C2CD3: variants seen among roughly 807,000 people sequenced by gnomAD.
The protein encoded by C2CD3 is C2 domain containing 3 centriole elongation regulator.
C2CD3 carries 148 observed loss-of-function variants against 234.0 expected under a neutral mutation model. That is an observed-to-expected ratio of 0.63 (90% CI 0.55 to 0.72). The LOEUF (loss-of-function observed/expected upper bound fraction) is 0.72. Among genes scored for constraint, C2CD3 ranks in the 30% least tolerant of loss-of-function variants. C2CD3 has a pLI of 0.00. For synonymous variants in C2CD3, 1,000 were observed against 1,035.4 expected (o/e 0.97, Z 0.66); for missense variants, 2,577 against 2,811.5 (o/e 0.92, Z 1.89).
chr11:74,063,790 G>C (rs1209821373), intron 24 of C2CD3, among the ~76,000 whole-genome samples: 1 of 152,110 alleles, frequency 6.6e-6, no homozygotes, highest in African/African-American at 2.4e-5. Flanking sequence ...TCAGGCAAGA[G>C]AAAGAAATAT....
intron 1 of C2CD3, among the ~76,000 whole-genome samples, chr11:74,170,094 AGCT>A (rs1182707093): frequency 6.6e-6 from 1 of 151,980 alleles, no homozygotes; most frequent in Non-Finnish European, 1.5e-5. Context: ...TGTCTCCTTG[AGCT>A]GCTAACCTGA....
chr11:74,054,113 A>G (rs997477343), intron 26 of C2CD3, among the ~76,000 whole-genome samples: 1 of 151,684 alleles, frequency 6.6e-6, no homozygotes, highest in Non-Finnish European at 1.5e-5. Context: ...TCTACTAAAA[A>G]TATAAAAAAT....
At chr11:74,139,045 T>C (rs1957961263) in intron 4 of C2CD3, 78 bp from the exon 5 acceptor site, 15 of 1,289,566 alleles carry the variant, frequency 1.2e-5, no homozygotes, top group Non-Finnish European at 1.6e-5. Context: ...AGACAGAAAG[T>C]AGACCAGTGG....
At chr11:74,069,211 GCCAAACA>G (rs1954685578) in intron 24 of C2CD3, among the ~76,000 whole-genome samples, 2 of 152,190 alleles carry the variant, frequency 1.3e-5, no homozygotes, top group Admixed American at 1.3e-4. Flanking sequence ...ATTCCTTTTA[GCCAAACA>G]GGTGGGTGAA....
chr11:74,057,950 C>T (rs1277170947), intron 24 of C2CD3, among the ~76,000 whole-genome samples: 1 of 150,846 alleles, frequency 6.6e-6, no homozygotes, highest in African/African-American at 2.5e-5. Context: ...CAGAGTGAGA[C>T]CGTGTCAATC....
At position 74,029,030 on chromosome 11, in the gene C2CD3, A is replaced by G. The variant is rs899699409; in HGVS notation, c.6810-632T>C. Among the ~76,000 whole-genome samples the G allele has an allele frequency of 7.2e-5, 11 of 152,224 alleles. No individual in the cohort carries two copies. The East Asian group carries it at 1.9e-3, about 27-fold the overall frequency. ...TGCATCAGGGGCTGTCCATGACGGG[A>G]CATGTCCTCATGTCAGGGACCAGTA... On this transcript the variant is annotated intron_variant, in intron 31 of 32. Transcript: ENST00000334126.
intron 22 of C2CD3, among the ~76,000 whole-genome samples, chr11:74,083,746 C>A (rs1281737119): frequency 6.6e-6 from 1 of 152,174 alleles, no homozygotes; most frequent in East Asian, 1.9e-4. Context: ...CAATGAGATA[C>A]CATCTCACAC....
chr11:74,040,581 C>G (rs1952988041), intron 29 of C2CD3, among the ~76,000 whole-genome samples: 1 of 151,618 alleles, frequency 6.6e-6, no homozygotes, highest in Non-Finnish European at 1.5e-5. Flanking sequence ...ATAGTGAAAC[C>G]CTGTCTCTAC....
At chr11:74,077,238 T>C (rs1488890207) in intron 23 of C2CD3, among the ~76,000 whole-genome samples, 5 of 152,078 alleles carry the variant, frequency 3.3e-5, no homozygotes, top group Admixed American at 2.0e-4. Context: ...TAGGCTCTTA[T>C]ATATGTGATT....
At chr11:74,162,280 T>G (rs560944766) in intron 2 of C2CD3, among the ~76,000 whole-genome samples, 1 of 152,016 alleles carries the variant, frequency 6.6e-6, no homozygotes, top group African/African-American at 2.4e-5. Context: ...AATTGCTAAG[T>G]AGAAAAAAAA....
At chr11:74,096,474 C>CA (rs904832819) in intron 16 of C2CD3, among the ~76,000 whole-genome samples, 7 of 140,444 alleles carry the variant, frequency 5.0e-5, no homozygotes, top group East Asian at 2.2e-4. Context: ...TTCCCTCGGG[C>CA]AAAAAAAATT....
At chr11:74,087,401 T>C (rs935974243) in intron 20 of C2CD3, among the ~76,000 whole-genome samples, 2 of 151,938 alleles carry the variant, frequency 1.3e-5, no homozygotes, top group Non-Finnish European at 2.9e-5. Context: ...CCATCTCTAC[T>C]AAAAATACAA....
chr11:74,080,299 T>C (rs557177785), intron 22 of C2CD3, among the ~76,000 whole-genome samples: 27 of 152,348 alleles, frequency 1.8e-4, no homozygotes, highest in African/African-American at 5.8e-4. Flanking sequence ...CTGGGTGTTC[T>C]TGTTCTTAGT....
intron 30 of C2CD3, chr11:74,036,579 T>C (rs1425952343): frequency 2.2e-6 from 1 of 451,070 alleles, no homozygotes; most frequent in South Asian, 1.6e-5. Context: ...TCTTCATCCC[T>C]GTGTAGAATC....
chr11:74,074,243 G>A lies in C2CD3; in HGVS notation c.4951+10C>T. The A allele has an allele frequency of 6.3e-7, 1 of 1,592,584 alleles. No individual in the cohort carries two copies. The highest frequency in any genetic ancestry group is 8.6e-7 in the Non-Finnish European group (1 of 1,162,824). Reference sequence around the variant, plus strand: ...TTAGACATGCTCCTGGGTAGGTGAGGAGAGCATACCTTTCAAGCTCAAGTG... The same window carrying A: ...TTAGACATGCTCCTGGGTAGGTGAGAAGAGCATACCTTTCAAGCTCAAGTG... On this transcript the variant is annotated intron_variant, in intron 24 of 32. Coordinates refer to ENST00000334126, the MANE Select transcript of C2CD3 (RefSeq NM_001286577.2).
At chr11:74,169,057 C>T (rs564625681) in intron 1 of C2CD3, among the ~76,000 whole-genome samples, 2 of 152,328 alleles carry the variant, frequency 1.3e-5, no homozygotes, top group South Asian at 2.1e-4. Flanking sequence ...TTATCTAACT[C>T]TCTTTTAAAA....
intron 32 of C2CD3, among the ~76,000 whole-genome samples, chr11:74,024,779 G>GT (rs1354461101): frequency 6.6e-6 from 1 of 152,122 alleles, no homozygotes; most frequent in Non-Finnish European, 1.5e-5. Context: ...CAGCCAGCCA[G>GT]GAGCGTAAGA....
At chr11:74,022,208 G>A (rs1406234260) in intron 32 of C2CD3, among the ~76,000 whole-genome samples, 2 of 152,180 alleles carry the variant, frequency 1.3e-5, no homozygotes, top group East Asian at 3.8e-4. Context: ...ATGCTTAGGT[G>A]GCAGAATTAA....
At chr11:74,069,261 G>A (rs1954688504) in intron 24 of C2CD3, among the ~76,000 whole-genome samples, 1 of 152,188 alleles carries the variant, frequency 6.6e-6, no homozygotes, top group South Asian at 2.1e-4. Flanking sequence ...AGGTCTATCA[G>A]GTTTCTCTGG....
Sources: allele counts gnomAD v4.1 joint callset (sites outside exome capture counted in the v4.1 genomes callset), GRCh38; gene constraint gnomAD v4.1.1; transcripts MANE v1.5; gene names NCBI Gene and HGNC (gene_info 2026-07-23, HGNC 2026-07-21).